Variants in RALGPS1 observed in about 807,000 individuals in gnomAD.
RALGPS1 encodes the protein ras-specific guanine nucleotide-releasing factor RalGPS1.
In RALGPS1, 19 loss-of-function variants were observed where a neutral mutation model predicts 78.8. That is an observed-to-expected ratio of 0.24 (90% confidence interval 0.17 to 0.35). The LOEUF is 0.35. Among genes scored for constraint, RALGPS1 ranks in the 10% least tolerant of loss-of-function variants. RALGPS1 has a pLI of 1.00. For synonymous variants in RALGPS1, 228 were observed against 256.3 expected, an observed-to-expected ratio of 0.89 and a Z score of 1.06; for missense variants, 454 against 688.3, an observed-to-expected ratio of 0.66 and a Z score of 3.81.
chr9:127,094,078 T>A, intron 8 of RALGPS1: 1 of 753,626 alleles, frequency 1.3e-6, no homozygotes, highest in Non-Finnish European at 2.1e-6. Flanking sequence ...TTTGCGAGTT[T>A]AATAAGTAAT....
intron 8 of RALGPS1, among the ~76,000 whole-genome samples, chr9:127,147,674 G>T (rs2058171580): frequency 6.6e-6 from 1 of 152,216 alleles, no homozygotes; most frequent in African/African-American, 2.4e-5. Context: ...CCGTGTTGAA[G>T]ATCAGATGGT....
At chr9:127,178,075 G>A (rs1389368487) in intron 11 of RALGPS1, 2 of 1,361,200 alleles carry the variant, frequency 1.5e-6, no homozygotes, top group East Asian at 5.7e-5. Flanking sequence ...CTAGGCTAAA[G>A]GGCATGGGGA....
chr9:127,127,232 C>G (rs1001952439), intron 8 of RALGPS1, among the ~76,000 whole-genome samples: 2 of 152,212 alleles, frequency 1.3e-5, no homozygotes, highest in Admixed American at 6.5e-5. Flanking sequence ...ATTCATTCTT[C>G]TGTGTGTCAC....
chr9:127,101,058 A>G (rs1475491010), intron 8 of RALGPS1, among the ~76,000 whole-genome samples: 2 of 152,230 alleles, frequency 1.3e-5, no homozygotes, highest in African/African-American at 4.8e-5. Context: ...GAGCACCACA[A>G]GGCCCTTACC....
intron 8 of RALGPS1, among the ~76,000 whole-genome samples, chr9:127,086,338 T>C (rs1191573974): frequency 1.3e-5 from 2 of 152,244 alleles, no homozygotes; most frequent in East Asian, 3.9e-4. Context: ...TCAATTTATA[T>C]GTCCATCCAT....
At chr9:127,052,315 A>AG (rs551077412) in intron 6 of RALGPS1, among the ~76,000 whole-genome samples, 1 of 152,240 alleles carries the variant, frequency 6.6e-6, no homozygotes, top group Non-Finnish European at 1.5e-5. Flanking sequence ...CTCCATGGTA[A>AG]GAAACTTGTC....
chr9:126,927,452 C>A (rs972426079), intron 1 of RALGPS1, among the ~76,000 whole-genome samples: 1 of 152,148 alleles, frequency 6.6e-6, no homozygotes, highest in African/African-American at 2.4e-5. Flanking sequence ...TCAGTTTTCT[C>A]ATTTTCCTCT....
At chr9:127,052,820 ATAATC>A (rs1468343234) in intron 6 of RALGPS1, 22 bp from the exon 7 acceptor site, 1 of 1,461,990 alleles carries the variant, frequency 6.8e-7, no homozygotes, top group Admixed American at 1.7e-5. Flanking sequence ...TAGCAGCAAA[ATAATC>A]TATTCCATAT....
chr9:126,962,265 T>G lies in RALGPS1; in HGVS notation c.-25T>G. The G allele has an allele frequency of 3.1e-6, 5 of 1,613,868 alleles. No individual in the cohort carries two copies. Among genetic ancestry groups the G allele is most frequent in the Non-Finnish European group, 3.4e-6 (4 of 1,179,814 alleles). ...GTTATGTTACCTGCAGAGGCTGCCC[T>G]GAAGCTCCCTGTGGCCTGGAGACTA... On this transcript the variant is annotated 5_prime_UTR_variant, in exon 2 of 19. An upstream open reading frame in the 5' UTR loses its in-frame stop. Coordinates refer to ENST00000259351, the MANE Select transcript of RALGPS1 (RefSeq NM_014636.3).
intron 8 of RALGPS1, among the ~76,000 whole-genome samples, chr9:127,121,476 A>T (rs971171882): frequency 1.3e-5 from 2 of 152,238 alleles, no homozygotes; most frequent in African/African-American, 4.8e-5. Context: ...AAGTAACTGA[A>T]CTGGCCTCTG....
intron 8 of RALGPS1, among the ~76,000 whole-genome samples, chr9:127,134,887 C>A (rs1564642695): frequency 1.3e-5 from 2 of 152,198 alleles, no homozygotes; most frequent in Non-Finnish European, 2.9e-5. Flanking sequence ...CTGCCCAACA[C>A]CCATGCTCAA....
chr9:127,171,859 CT>C (rs1345216063), intron 10 of RALGPS1, among the ~76,000 whole-genome samples: 2 of 152,336 alleles, frequency 1.3e-5, no homozygotes, highest in East Asian at 3.9e-4. Flanking sequence ...TGTCAGCCAA[CT>C]CTGGTTATGA....
chr9:127,126,135 ACCCCACCCCAC>A (rs1250824397), intron 8 of RALGPS1, among the ~76,000 whole-genome samples: 1 of 151,552 alleles, frequency 6.6e-6, no homozygotes, highest in East Asian at 1.9e-4. Flanking sequence ...TCTTTCCCAT[ACCCCACCCCAC>A]CCCTACCCCC....
At chr9:127,093,329 G>A (rs896936021) in intron 8 of RALGPS1, among the ~76,000 whole-genome samples, 1 of 152,186 alleles carries the variant, frequency 6.6e-6, no homozygotes, top group Non-Finnish European at 1.5e-5. Flanking sequence ...CCAGGAACTG[G>A]GAGCCTCTTG....
chr9:127,160,392 T>C (rs1316352632), intron 8 of RALGPS1, among the ~76,000 whole-genome samples: 1 of 152,152 alleles, frequency 6.6e-6, no homozygotes, highest in Non-Finnish European at 1.5e-5. Flanking sequence ...GCGGAGGGCT[T>C]CTGGAGCAGA....
At chr9:127,000,072 A>G (rs1171115072) in intron 4 of RALGPS1, among the ~76,000 whole-genome samples, 1 of 152,018 alleles carries the variant, frequency 6.6e-6, no homozygotes, top group Admixed American at 6.5e-5. Flanking sequence ...CTCATTCCTC[A>G]TATTGGTAAT....
chr9:126,992,907 T>A (rs1265196636), intron 4 of RALGPS1, among the ~76,000 whole-genome samples: 1 of 152,226 alleles, frequency 6.6e-6, no homozygotes, highest in Non-Finnish European at 1.5e-5. Flanking sequence ...AGTACAATGT[T>A]GGGTAGAAGT....
intron 10 of RALGPS1, among the ~76,000 whole-genome samples, chr9:127,173,605 C>G (rs975019125): frequency 3.9e-5 from 6 of 152,072 alleles, no homozygotes; most frequent in South Asian, 2.1e-4. Flanking sequence ...CCCAGAAGTT[C>G]CTATTCGGTG....
intron 1 of RALGPS1, among the ~76,000 whole-genome samples, chr9:126,918,869 C>T (rs1441930164): frequency 6.6e-6 from 1 of 151,822 alleles, no homozygotes; most frequent in Admixed American, 6.6e-5. Flanking sequence ...GGGGTTTCTC[C>T]ATGTTGGTCA....
Sources: allele counts gnomAD v4.1 joint callset (sites outside exome capture counted in the v4.1 genomes callset), GRCh38; gene constraint gnomAD v4.1.1; transcripts MANE v1.5; gene names NCBI Gene and HGNC (gene_info 2026-07-23, HGNC 2026-07-21).